MAML2: variants seen among roughly 807,000 people sequenced by gnomAD.
The protein encoded by MAML2 is mastermind-like protein 2.
In MAML2, 22 loss-of-function variants were observed where a neutral mutation model predicts 96.1. The observed-to-expected ratio is 0.23, with a 90% CI of 0.16 to 0.33. The LOEUF (loss-of-function observed/expected upper bound fraction) is 0.33, where lower values mean the gene tolerates loss of function less well. Among genes scored for constraint, MAML2 ranks in the 10% least tolerant of loss-of-function variants. The pLI is 1.00. For synonymous variants in MAML2, 561 were observed against 521.3 expected (o/e 1.08, Z -1.04); for missense variants, 1,367 against 1,392.4 (o/e 0.98, Z 0.29).
In MAML2 at chr11:96,009,915, G is replaced by A. The variant is rs191628803; in HGVS notation, c.2140-18192C>T. Among the ~76,000 whole-genome samples, 267 of 152,198 alleles carry A rather than the reference G, an allele frequency of 1.8e-3. 1 individual carries two copies. Among genetic ancestry groups the A allele is most frequent in the Middle Eastern group, 3.4e-3 (1 of 294 alleles). On this transcript the variant is annotated intron_variant, in intron 2 of 4. Transcript: ENST00000524717. ...GTATTCCTTAATATAAGTATCTATG[G>A]TCAAGGATAAAAAACCAATCAGGCC...
chr11:96,292,463 C>T (rs1863226956), intron 1 of MAML2, among the ~76,000 whole-genome samples: 1 of 152,202 alleles, frequency 6.6e-6, no homozygotes, highest in Non-Finnish European at 1.5e-5. Context: ...ATGCTATTAT[C>T]CCATTTTACA....
chr11:96,295,048 G>C (rs1863271911), intron 1 of MAML2, among the ~76,000 whole-genome samples: 1 of 152,152 alleles, frequency 6.6e-6, no homozygotes, highest in African/African-American at 2.4e-5. Flanking sequence ...ATTTCTCCCA[G>C]GTATAGAAGC....
intron 2 of MAML2, among the ~76,000 whole-genome samples, chr11:96,051,063 T>C (rs1858982599): frequency 7.2e-6 from 1 of 139,818 alleles, no homozygotes; most frequent in South Asian, 2.4e-4. Context: ...TGTCATTTCC[T>C]TTGGATAATC....
At chr11:96,035,965 T>G (rs910195127) in intron 2 of MAML2, among the ~76,000 whole-genome samples, 1 of 152,072 alleles carries the variant, frequency 6.6e-6, no homozygotes, top group Admixed American at 6.6e-5. Flanking sequence ...GCTACAGGGA[T>G]TAAATGTGAA....
At chr11:96,012,156 C>A (rs987831202) in intron 2 of MAML2, among the ~76,000 whole-genome samples, 2 of 152,124 alleles carry the variant, frequency 1.3e-5, no homozygotes, top group Non-Finnish European at 2.9e-5. Flanking sequence ...AAACAGAATG[C>A]CCAGAACCTC....
At chr11:96,271,287 G>C (rs1862912590) in intron 1 of MAML2, among the ~76,000 whole-genome samples, 1 of 152,138 alleles carries the variant, frequency 6.6e-6, no homozygotes, top group Non-Finnish European at 1.5e-5. Context: ...TGTCCCTTTA[G>C]AGAACCCTGA....
chr11:96,062,190 G>A (rs1443186150), intron 2 of MAML2, among the ~76,000 whole-genome samples: 1 of 152,102 alleles, frequency 6.6e-6, no homozygotes, highest in African/African-American at 2.4e-5. Flanking sequence ...TACATGGAGT[G>A]ACTCAAAGGA....
In MAML2 at chr11:96,319,582, T is replaced by C. The variant is rs553844870; in HGVS notation, c.513+21801A>G. ...TCCTAGAAGCTTTTGAAACACAAGA[T>C]ATATTTTTATGTCTTGCTATGGTCT... On this transcript the variant is annotated intron_variant, in intron 1 of 4. Coordinates refer to ENST00000524717, the MANE Select transcript of MAML2 (RefSeq NM_032427.4). 1.2e-4 allele frequency among the ~76,000 whole-genome samples: 19 copies of C among 152,334 alleles called. No individual in the cohort carries two copies. The South Asian group carries it at 2.9e-3, about 23-fold the overall frequency.
chr11:96,101,001 C>G (rs1859920118), intron 1 of MAML2, among the ~76,000 whole-genome samples: 1 of 152,112 alleles, frequency 6.6e-6, no homozygotes, highest in Admixed American at 6.5e-5. Context: ...CTGCCTTGAT[C>G]TCCCAAAGTG....
chr11:96,336,530 A>G (rs1863923195), intron 1 of MAML2, among the ~76,000 whole-genome samples: 1 of 152,188 alleles, frequency 6.6e-6, no homozygotes, highest in Non-Finnish European at 1.5e-5. Context: ...CAAAATAAAA[A>G]ATTTAGAATT....
intron 2 of MAML2, among the ~76,000 whole-genome samples, chr11:96,001,986 G>A (rs1858085099): frequency 6.6e-6 from 1 of 152,062 alleles, no homozygotes; most frequent in East Asian, 1.9e-4. Flanking sequence ...TTCCTACCAG[G>A]TGAACATCCT....
intron 1 of MAML2, among the ~76,000 whole-genome samples, chr11:96,141,991 T>C (rs1860738848): frequency 6.6e-6 from 1 of 152,214 alleles, no homozygotes; most frequent in African/African-American, 2.4e-5. Flanking sequence ...ATTCATTTAA[T>C]TAACATTTAC....
rs1366745601 is a variant in MAML2, at chr11:96,175,481, C to CA, written c.514-81965dup. Among the ~76,000 whole-genome samples, 2 of 152,218 alleles carry CA rather than the reference C, an allele frequency of 1.3e-5. 1 individual carries two copies. On this transcript the variant is annotated intron_variant, in intron 1 of 4. Coordinates refer to ENST00000524717, the MANE Select transcript of MAML2 (RefSeq NM_032427.4). ...AAAAAATCAGAAGACGTGGGTTTAC[C>CA]ACCATCTTTCTCCACTTTAGCAATA...
intron 2 of MAML2, among the ~76,000 whole-genome samples, chr11:96,056,440 A>G (rs1043489257): frequency 6.6e-6 from 1 of 151,630 alleles, no homozygotes; most frequent in Admixed American, 6.6e-5. Flanking sequence ...TTTGACATGA[A>G]TCTCTTTTGT....
At chr11:96,047,910 C>CAA (rs71459784) in intron 2 of MAML2, among the ~76,000 whole-genome samples, 42 of 82,378 alleles carry the variant, frequency 5.1e-4, no homozygotes, top group Non-Finnish European at 5.6e-4. Context: ...GACTCTGCCT[C>CAA]AAAAAAAAAA....
At chr11:96,009,091 A>T (rs1370358472) in intron 2 of MAML2, among the ~76,000 whole-genome samples, 2 of 152,180 alleles carry the variant, frequency 1.3e-5, no homozygotes, top group Non-Finnish European at 2.9e-5. Context: ...AGTTCTTTGG[A>T]GGCAAAATAA....
At chr11:96,038,612 T>TATTTGC (rs1463740472) in intron 2 of MAML2, among the ~76,000 whole-genome samples, 1 of 152,244 alleles carries the variant, frequency 6.6e-6, no homozygotes, top group Non-Finnish European at 1.5e-5. Context: ...ATGGTATTTG[T>TATTTGC]ATTTGCTGTT....
intron 2 of MAML2, among the ~76,000 whole-genome samples, chr11:96,061,044 T>C (rs565119813): frequency 5.3e-5 from 8 of 152,294 alleles, no homozygotes; most frequent in African/African-American, 1.9e-4. Flanking sequence ...CTCTGAAATA[T>C]AAACAGACAC....
chr11:96,077,503 G>A (rs181102196), intron 2 of MAML2, among the ~76,000 whole-genome samples: 464 of 152,234 alleles, frequency 3.0e-3, no homozygotes, highest in Admixed American at 4.8e-3. Context: ...TTACAGGCAT[G>A]AGCCACCGCA....
Sources: gnomAD v4.1 joint callset for allele counts (sites outside exome capture counted in the v4.1 genomes callset) on GRCh38, gnomAD v4.1.1 for gene constraint, MANE v1.5 for transcripts, NCBI Gene and HGNC (gene_info 2026-07-23, HGNC 2026-07-21) for gene names.